The following FGF14 variants were observed in gnomAD, a reference collection of about 807,000 sequenced individuals.
FGF14 encodes the protein fibroblast growth factor 14, also known as fibroblast growth factor homologous factor 4.
FGF14 carries 5 observed loss-of-function variants against 25.5 expected under a neutral mutation model. The observed-to-expected ratio is 0.20, with a 90% CI of 0.10 to 0.41. FGF14 has a LOEUF of 0.41. Among genes scored for constraint, FGF14 ranks in the 10% least tolerant of loss-of-function variants. The probability of loss-of-function intolerance (pLI) is 1.00; values close to 1 mark genes in which losing one functional copy is unlikely to be tolerated. For missense variants in FGF14, 222 were observed against 320.1 expected (o/e 0.69, Z 2.34); for synonymous variants, 138 against 118.3 (o/e 1.17, Z -1.08).
At chr13:102,112,640 G>C (rs2045288716) in intron 1 of FGF14, among the ~76,000 whole-genome samples, 1 of 152,184 alleles carries the variant, frequency 6.6e-6, no homozygotes, top group African/African-American at 2.4e-5. Context: ...CTTGGGGCAT[G>C]ATATGATTAA....
chr13:101,933,607 C>G (rs2034906465), intron 1 of FGF14, among the ~76,000 whole-genome samples: 1 of 152,066 alleles, frequency 6.6e-6, no homozygotes, highest in South Asian at 2.1e-4. Flanking sequence ...GCCTGTAGTC[C>G]CAGCTACTCG....
chr13:101,976,116 A>ATT (rs35175002), intron 1 of FGF14, among the ~76,000 whole-genome samples: 11 of 151,070 alleles, frequency 7.3e-5, no homozygotes, highest in East Asian at 3.9e-4. Context: ...TATGTCATTG[A>ATT]TTTTTTTTTA....
intron 3 of FGF14, among the ~76,000 whole-genome samples, chr13:101,798,679 G>A (rs7993025): frequency 0.43 from 65,237 of 151,874 alleles, 14,608 homozygotes; most frequent in East Asian, 0.81. Flanking sequence ...TACATCTTGC[G>A]AGTTGCCATT....
intron 3 of FGF14, among the ~76,000 whole-genome samples, chr13:101,767,079 A>G (rs1181585620): frequency 6.6e-6 from 1 of 152,248 alleles, no homozygotes; most frequent in Non-Finnish European, 1.5e-5. Flanking sequence ...AAGAATAACA[A>G]TAAAATAAAA....
At chr13:101,755,161 G>A (rs2037559722) in intron 3 of FGF14, among the ~76,000 whole-genome samples, 1 of 152,178 alleles carries the variant, frequency 6.6e-6, no homozygotes, top group Admixed American at 6.5e-5. Context: ...TAGTTCAAAA[G>A]AATGCAGAGA....
At chr13:101,764,630 T>C (rs893254954) in intron 3 of FGF14, among the ~76,000 whole-genome samples, 3 of 152,194 alleles carry the variant, frequency 2.0e-5, no homozygotes, top group African/African-American at 7.2e-5. Context: ...ATTGGCCTTT[T>C]GGGCCATGTC....
chr13:101,913,175 GAC>G (rs2033126816), intron 1 of FGF14, among the ~76,000 whole-genome samples: 2 of 152,314 alleles, frequency 1.3e-5, no homozygotes, highest in South Asian at 4.1e-4. Flanking sequence ...GAAGATGCTA[GAC>G]ACACAGTAAA....
At chr13:102,191,129 C>G (rs2049104538) in intron 1 of FGF14, among the ~76,000 whole-genome samples, 1 of 152,182 alleles carries the variant, frequency 6.6e-6, no homozygotes, top group African/African-American at 2.4e-5. Context: ...TGACCGGACT[C>G]AGAGATAACT....
intron 1 of FGF14, among the ~76,000 whole-genome samples, chr13:102,235,092 T>A (rs2051269913): frequency 6.6e-6 from 1 of 152,226 alleles, no homozygotes; most frequent in Non-Finnish European, 1.5e-5. Flanking sequence ...ATTTATAAAT[T>A]TGGTTTACTC....
At chr13:102,387,526 A>T (rs987145563) in intron 1 of FGF14, among the ~76,000 whole-genome samples, 4 of 152,156 alleles carry the variant, frequency 2.6e-5, no homozygotes, top group African/African-American at 9.6e-5. Context: ...TGACATTTTC[A>T]GTCCTTCTTA....
chr13:102,374,407 A>G (rs898893130), intron 1 of FGF14, among the ~76,000 whole-genome samples: 6 of 151,574 alleles, frequency 4.0e-5, no homozygotes, highest in African/African-American at 1.5e-4. Flanking sequence ...TTACAATTCA[A>G]TGGGCACAAA....
At chr13:102,209,828 A>C (rs989131914) in intron 1 of FGF14, among the ~76,000 whole-genome samples, 12 of 152,222 alleles carry the variant, frequency 7.9e-5, no homozygotes, top group African/African-American at 1.4e-4. Flanking sequence ...TAAACAAAAG[A>C]GAGAATAAAC....
intron 3 of FGF14, among the ~76,000 whole-genome samples, chr13:101,745,316 G>GGTAT (rs769356645): frequency 2.0e-5 from 3 of 151,898 alleles, no homozygotes; most frequent in Non-Finnish European, 4.4e-5. Flanking sequence ...GCACTAGAGT[G>GGTAT]GTATACTTGT....
At chr13:101,785,174 G>A (rs909099827) in intron 3 of FGF14, among the ~76,000 whole-genome samples, 2 of 151,916 alleles carry the variant, frequency 1.3e-5, no homozygotes, top group African/African-American at 2.4e-5. Flanking sequence ...TGTGACATTG[G>A]TATATCTTTA....
intron 1 of FGF14, among the ~76,000 whole-genome samples, chr13:102,238,096 T>A (rs537741450): frequency 1.3e-5 from 2 of 152,204 alleles, no homozygotes; most frequent in Non-Finnish European, 2.9e-5. Flanking sequence ...TGTGTCTTAA[T>A]TGAATTGCAT....
chr13:102,376,277 C>T (rs2058038463), intron 1 of FGF14, among the ~76,000 whole-genome samples: 1 of 152,200 alleles, frequency 6.6e-6, no homozygotes, highest in Non-Finnish European at 1.5e-5. Context: ...TCTTGCCTGT[C>T]ACCATGTAAG....
chr13:101,745,441 G>A (rs534077915), intron 3 of FGF14, among the ~76,000 whole-genome samples: 7 of 152,084 alleles, frequency 4.6e-5, no homozygotes, highest in South Asian at 4.1e-4. Context: ...ATAAAGTCAC[G>A]CATTACTATT....
chr13:101,923,734 T>C (rs924234913), intron 1 of FGF14, among the ~76,000 whole-genome samples: 13 of 152,088 alleles, frequency 8.5e-5, no homozygotes, highest in Non-Finnish European at 1.8e-4. Flanking sequence ...ATATATTTAT[T>C]TCTGGTAGGC....
chr13:101,856,888 A>G (rs2044153335), intron 3 of FGF14, among the ~76,000 whole-genome samples: 1 of 151,986 alleles, frequency 6.6e-6, no homozygotes, highest in African/African-American at 2.4e-5. Flanking sequence ...ATAGAAAATA[A>G]TTTGCTGTGA....
Sources: gnomAD v4.1 joint callset for allele counts (sites outside exome capture counted in the v4.1 genomes callset) on GRCh38, gnomAD v4.1.1 for gene constraint, MANE v1.5 for transcripts, NCBI Gene and HGNC (gene_info 2026-07-23, HGNC 2026-07-21) for gene names.